The following SORBS2 variants were observed in gnomAD, a reference collection of about 807,000 sequenced individuals.
SORBS2 encodes sorbin and SH3 domain-containing protein 2.
A neutral mutation model predicts 97.7 loss-of-function variants in SORBS2; 46 were observed. The observed-to-expected ratio is 0.47, with a 90% CI of 0.37 to 0.60. SORBS2 has a LOEUF of 0.60. SORBS2 is among the 20% of genes least tolerant of loss of function. SORBS2 has a pLI of 0.00. For missense variants in SORBS2, 1,316 were observed against 1,282.3 expected, an observed-to-expected ratio of 1.03 and a Z score of -0.40; for synonymous variants, 476 against 473.4, an observed-to-expected ratio of 1.01 and a Z score of -0.07.
At chr4:185,817,053 A>G (rs892686334) in intron 1 of SORBS2, among the ~76,000 whole-genome samples, 1 of 152,190 alleles carries the variant, frequency 6.6e-6, no homozygotes, top group Non-Finnish European at 1.5e-5. Flanking sequence ...TTTACTGGCT[A>G]ATAATAACAA....
intron 2 of SORBS2, among the ~76,000 whole-genome samples, chr4:185,736,895 T>C (rs1473447132): frequency 6.6e-6 from 1 of 152,200 alleles, no homozygotes; most frequent in Admixed American, 6.5e-5. Context: ...GGCTGCTCCA[T>C]TTTACCTAAC....
At chr4:185,898,057 G>T (rs1188578547) in intron 1 of SORBS2, among the ~76,000 whole-genome samples, 1 of 152,126 alleles carries the variant, frequency 6.6e-6, no homozygotes, top group East Asian at 1.9e-4. Flanking sequence ...AAAAGCTCAG[G>T]AGTTGGATAG....
chr4:185,605,292 T>C (rs538010899), intron 12 of SORBS2, among the ~76,000 whole-genome samples: 1 of 152,376 alleles, frequency 6.6e-6, no homozygotes, highest in Non-Finnish European at 1.5e-5. Flanking sequence ...AAGTTTCTTT[T>C]TATTTTTGAA....
At chr4:185,717,240 GCT>G (rs1456350419) in intron 2 of SORBS2, among the ~76,000 whole-genome samples, 2 of 152,206 alleles carry the variant, frequency 1.3e-5, no homozygotes, top group African/African-American at 4.8e-5. Context: ...GGAGATGGCC[GCT>G]CTGTGTTTCC....
At chr4:185,776,106 T>TATTC (rs35864343) in intron 1 of SORBS2, among the ~76,000 whole-genome samples, 4,379 of 152,246 alleles carry the variant, frequency 0.029, 305 homozygotes, top group East Asian at 0.21. Flanking sequence ...TAAGAAGTCG[T>TATTC]ATTCATTCAT....
chr4:185,845,603 T>C (rs1204355417), intron 1 of SORBS2, among the ~76,000 whole-genome samples: 1 of 151,954 alleles, frequency 6.6e-6, no homozygotes, highest in Admixed American at 6.6e-5. Context: ...CTCTGCTAAA[T>C]AAAAGGGAAA....
chr4:185,840,273 A>C (rs986087253), intron 1 of SORBS2, among the ~76,000 whole-genome samples: 1 of 152,206 alleles, frequency 6.6e-6, no homozygotes, highest in African/African-American at 2.4e-5. Context: ...CCTCACACAA[A>C]TGGGTCAAAG....
At chr4:185,638,799 C>A in intron 4 of SORBS2, 78 bp downstream of exon 14, 1 of 1,337,606 alleles carries the variant, frequency 7.5e-7, no homozygotes, top group South Asian at 1.8e-5. Flanking sequence ...GAGTGGGAGT[C>A]GCCAGGCTCT....
exon 1 of SORBS2, chr4:185,656,910 T>A: frequency 8.1e-7 from 1 of 1,239,234 alleles, no homozygotes; most frequent in Non-Finnish European, 1.0e-6. Flanking sequence ...CAGACAGCTT[T>A]TCCTTTCCAT....
chr4:185,848,733 C>A (rs1579178103), intron 1 of SORBS2, among the ~76,000 whole-genome samples: 1 of 147,086 alleles, frequency 6.8e-6, no homozygotes, highest in East Asian at 2.0e-4. Context: ...CTACCTCAGC[C>A]TCCCAAGTAG....
chr4:185,706,594 T>C (rs926391993), intron 2 of SORBS2, among the ~76,000 whole-genome samples: 1 of 152,154 alleles, frequency 6.6e-6, no homozygotes, highest in Non-Finnish European at 1.5e-5. Flanking sequence ...AGATAGACCT[T>C]CGTAAGGACC....
At chr4:185,783,374 T>TCTCCTC (rs2099040489) in intron 1 of SORBS2, among the ~76,000 whole-genome samples, 1 of 152,228 alleles carries the variant, frequency 6.6e-6, no homozygotes, top group East Asian at 1.9e-4. Flanking sequence ...GCTGCAGTAA[T>TCTCCTC]ATAGATCTCC....
chr4:185,707,509 CTTTG>C (rs1447748427), intron 2 of SORBS2, among the ~76,000 whole-genome samples: 1 of 88,168 alleles, frequency 1.1e-5, no homozygotes, highest in Non-Finnish European at 3.2e-5. Flanking sequence ...TCATAAACAT[CTTTG>C]TTTTTTTTTT....
intron 1 of SORBS2, among the ~76,000 whole-genome samples, chr4:185,886,611 G>GTGGCC (rs1474155703): frequency 7.2e-6 from 1 of 139,568 alleles, no homozygotes; most frequent in Non-Finnish European, 1.6e-5. Context: ...AACGTGGCCT[G>GTGGCC]TGGCCTGGTC....
chr4:185,622,794 A>G, intron 7 of SORBS2, 120 bp downstream of exon 19: 1 of 1,005,874 alleles, frequency 9.9e-7, no homozygotes, highest in Non-Finnish European at 1.4e-6. Flanking sequence ...TTGCTTCACA[A>G]CACATAACGA....
chr4:185,711,171 G>T (rs1163368490), intron 2 of SORBS2, among the ~76,000 whole-genome samples: 4 of 151,208 alleles, frequency 2.6e-5, no homozygotes, highest in African/African-American at 9.7e-5. Flanking sequence ...CTGGGGTCTT[G>T]CCTTGTTGCC....
chr4:185,906,096 C>T (rs1452499343), intron 1 of SORBS2, among the ~76,000 whole-genome samples: 1 of 152,160 alleles, frequency 6.6e-6, no homozygotes, highest in Non-Finnish European at 1.5e-5. Context: ...TGCAGTGGCA[C>T]AATCTCAGCT....
Position 185,847,813 on chromosome 4 carries a change from A to G in SORBS2, c.-337-72447T>C, listed in dbSNP as rs74399855. ...TCACATCTTAGGAGATCTGTTCATC[A>G]GGTAGAAACTGGCTTCATCGGCAAG... On this transcript the variant is annotated intron_variant, in intron 1 of 20. Transcript: ENST00000284776. Among the ~76,000 whole-genome samples the G allele has an allele frequency of 3.1e-3, 468 of 152,310 alleles. 2 individuals carry two copies. The highest frequency in any genetic ancestry group is 2.9e-3 in the Non-Finnish European group (200 of 68,024).
chr4:185,681,354 A>G (rs1257539960), intron 2 of SORBS2, among the ~76,000 whole-genome samples: 2 of 152,048 alleles, frequency 1.3e-5, no homozygotes, highest in Non-Finnish European at 2.9e-5. Context: ...TGGAGCAGGT[A>G]ATAGAAAGTA....
Sources: gnomAD v4.1 joint callset for allele counts (sites outside exome capture counted in the v4.1 genomes callset) on GRCh38, gnomAD v4.1.1 for gene constraint, MANE v1.5 for transcripts, NCBI Gene and HGNC (gene_info 2026-07-23, HGNC 2026-07-21) for gene names.